The following CTIF variants were observed in gnomAD, a reference collection of about 807,000 sequenced individuals.
CTIF encodes the protein CBP80/20-dependent translation initiation factor.
A neutral mutation model predicts 66.0 loss-of-function variants in CTIF; 21 were observed. The observed-to-expected ratio is 0.32, with a 90% CI of 0.23 to 0.46. The LOEUF is 0.46. Ranked by LOEUF, CTIF falls within the 20% of genes least tolerant of loss-of-function variation. The pLI, the probability that CTIF is intolerant of heterozygous loss-of-function variation, is 1.00. For synonymous variants in CTIF, 345 were observed against 326.4 expected (o/e 1.06, Z -0.62); for missense variants, 739 against 812.7 (o/e 0.91, Z 1.10).
intron 6 of CTIF, among the ~76,000 whole-genome samples, chr18:48,699,462 G>A (rs1014874994): frequency 6.6e-6 from 1 of 151,454 alleles, no homozygotes; most frequent in Non-Finnish European, 1.5e-5. Flanking sequence ...GGTCTGTGTG[G>A]AGGAAGCTGA....
intron 10 of CTIF, among the ~76,000 whole-genome samples, chr18:48,828,797 G>T (rs2068633605): frequency 1.3e-5 from 2 of 152,240 alleles, no homozygotes; most frequent in African/African-American, 4.8e-5. Flanking sequence ...GAGGGCACAA[G>T]CCTGGCGAGT....
intron 7 of CTIF, among the ~76,000 whole-genome samples, chr18:48,732,017 C>T (rs1463372813): frequency 6.6e-6 from 1 of 152,266 alleles, no homozygotes; most frequent in Non-Finnish European, 1.5e-5. Context: ...CCACAGGCCA[C>T]CATTGGCCAA....
intron 9 of CTIF, among the ~76,000 whole-genome samples, chr18:48,808,526 T>A (rs1348384253): frequency 1.3e-5 from 2 of 152,046 alleles, no homozygotes; most frequent in Non-Finnish European, 2.9e-5. Context: ...CTTTTTTTTT[T>A]TTTTTTTAAC....
At chr18:48,593,500 C>T (rs1287274199) in intron 1 of CTIF, among the ~76,000 whole-genome samples, 2 of 151,668 alleles carry the variant, frequency 1.3e-5, no homozygotes, top group African/African-American at 2.4e-5. Flanking sequence ...CCTGCCTCCG[C>T]CTCCCCGAGT....
intron 9 of CTIF, among the ~76,000 whole-genome samples, chr18:48,808,214 A>G (rs2068189943): frequency 6.6e-6 from 1 of 152,112 alleles, no homozygotes; most frequent in African/African-American, 2.4e-5. Flanking sequence ...TTCAATTACT[A>G]CTGATATTGA....
chr18:48,829,359 G>C (rs2068644597), intron 10 of CTIF, among the ~76,000 whole-genome samples: 1 of 152,080 alleles, frequency 6.6e-6, no homozygotes, highest in South Asian at 2.1e-4. Context: ...GTGCAGGTCT[G>C]GTTGGGAGGA....
intron 6 of CTIF, among the ~76,000 whole-genome samples, chr18:48,676,029 C>A (rs942387182): frequency 6.6e-6 from 1 of 152,152 alleles, no homozygotes; most frequent in Admixed American, 6.5e-5. Flanking sequence ...CCCGGCACCC[C>A]CTCCCCCAGG....
chr18:48,614,601 GAAAT>G (rs1213206394), intron 1 of CTIF, among the ~76,000 whole-genome samples: 1 of 152,230 alleles, frequency 6.6e-6, no homozygotes, highest in African/African-American at 2.4e-5. Flanking sequence ...TATGCTAAGT[GAAAT>G]AAATCGGTTG....
rs2090161097 is a variant in CTIF, at chr18:48,604,177, T to TTG, written c.-28-15360_-28-15359insGT. Among the ~76,000 whole-genome samples the TTG allele has an allele frequency of 2.5e-5, 3 of 120,296 alleles. No homozygotes were observed. In the South Asian group the frequency reaches 9.7e-4, roughly 39 times the overall value. 78.9% of individuals were successfully genotyped at this position (120,296 alleles called of 152,430 possible). A position where few individuals can be genotyped will look rare whatever the true frequency, so the allele number is the denominator to read the frequency against. On this transcript the variant is annotated intron_variant, in intron 1 of 11. Coordinates refer to ENST00000256413, the MANE Select transcript of CTIF (RefSeq NM_014772.3). ...GATTTTTTTTTTAAGGGTTTTTTTT[T>TTG]TTTTTTTTTTTTTTTTTGAGACGGG...
chr18:48,682,216 C>T (rs987018182), intron 6 of CTIF, among the ~76,000 whole-genome samples: 1 of 152,174 alleles, frequency 6.6e-6, no homozygotes, highest in Admixed American at 6.5e-5. Flanking sequence ...ATTCCTAGAG[C>T]ACAGCTGCCC....
intron 7 of CTIF, among the ~76,000 whole-genome samples, chr18:48,734,952 A>G (rs1020086411): frequency 2.6e-5 from 4 of 152,224 alleles, no homozygotes; most frequent in African/African-American, 9.7e-5. Flanking sequence ...ATATACATAT[A>G]TGGTATATAT....
intron 1 of CTIF, among the ~76,000 whole-genome samples, chr18:48,594,257 G>T (rs960381013): frequency 1.3e-5 from 2 of 152,124 alleles, no homozygotes; most frequent in African/African-American, 2.4e-5. Flanking sequence ...GTTCATGTTT[G>T]GTTAATACTC....
At chr18:48,584,070 C>A (rs1340285750) in intron 1 of CTIF, among the ~76,000 whole-genome samples, 1 of 152,144 alleles carries the variant, frequency 6.6e-6, no homozygotes, top group African/African-American at 2.4e-5. Flanking sequence ...GAAAGCGGCC[C>A]CTGCCTCCCC....
chr18:48,730,474 CT>C lies in CTIF; in HGVS notation c.584+18781del, dbSNP rs1317954280. Among the ~76,000 whole-genome samples, 237 of 140,462 alleles carry C rather than the reference CT, an allele frequency of 1.7e-3. 19 individuals carry two copies. The highest frequency in any genetic ancestry group is 2.0e-3 in the Admixed American group (28 of 14,278). The allele number at this position is 140,462 out of a possible 152,430, so 92.1% of individuals were successfully genotyped here. On this transcript the variant is annotated intron_variant, in intron 7 of 11. Coordinates refer to ENST00000256413, the MANE Select transcript of CTIF (RefSeq NM_014772.3). The stretch of plus-strand genomic sequence containing the variant: ...TGAGGGGCTTCCGCGGTGTGAGGGG[CT>C]TCCGCGGTGTGAGGGGCTTCTGCGG...
At chr18:48,661,059 CT>C (rs1439222270) in intron 3 of CTIF, among the ~76,000 whole-genome samples, 1 of 152,226 alleles carries the variant, frequency 6.6e-6, no homozygotes, top group Non-Finnish European at 1.5e-5. Flanking sequence ...GTGGCATCTC[CT>C]CAATCAGTTG....
intron 3 of CTIF, among the ~76,000 whole-genome samples, chr18:48,649,063 A>G (rs1205716364): frequency 6.6e-6 from 1 of 152,218 alleles, no homozygotes; most frequent in Non-Finnish European, 1.5e-5. Context: ...TGACTTCTGC[A>G]TTTCCAACTG....
Position 48,665,600 on chromosome 18 carries a change from A to G in CTIF, c.431+1049A>G, listed in dbSNP as rs1327238122. ...GTTCTGAAACATTCTCATCATCCCA[A>G]TATAAAACCCCATACCCACTAGGCA... is the stretch of plus-strand genomic sequence containing the variant. On this transcript the variant is annotated intron_variant, in intron 5 of 11. Transcript: ENST00000256413. Among the ~76,000 whole-genome samples the G allele has an allele frequency of 3.9e-5, 6 of 152,248 alleles. No individual in the cohort carries two copies. In the East Asian group the frequency reaches 7.7e-4, roughly 20 times the overall value.
intron 10 of CTIF, among the ~76,000 whole-genome samples, chr18:48,829,727 G>C (rs1225063739): frequency 1.3e-5 from 2 of 152,196 alleles, no homozygotes; most frequent in Non-Finnish European, 2.9e-5. Context: ...AGGAGCAAAC[G>C]GTGCCCTGCA....
intron 7 of CTIF, among the ~76,000 whole-genome samples, chr18:48,718,987 G>A (rs1354182519): frequency 2.0e-5 from 3 of 152,182 alleles, no homozygotes; most frequent in Admixed American, 2.0e-4. Context: ...GCTGGTACCT[G>A]TTCTCTTGCA....
Sources: gnomAD v4.1 joint callset for allele counts (sites outside exome capture counted in the v4.1 genomes callset) on GRCh38, gnomAD v4.1.1 for gene constraint, MANE v1.5 for transcripts, NCBI Gene and HGNC (gene_info 2026-07-23, HGNC 2026-07-21) for gene names.